Variants in SLC4A10 observed in about 807,000 individuals in gnomAD.
The protein encoded by SLC4A10 is sodium-driven chloride bicarbonate exchanger.
A neutral mutation model predicts 137.7 loss-of-function variants in SLC4A10; 42 were observed. That is an observed-to-expected ratio of 0.30 (90% CI 0.24 to 0.39). SLC4A10 has a LOEUF of 0.39. Among genes scored for constraint, SLC4A10 ranks in the 10% least tolerant of loss-of-function variants. SLC4A10 has a pLI of 1.00. For synonymous variants in SLC4A10, 474 were observed against 464.1 expected (o/e 1.02, Z -0.27); for missense variants, 925 against 1,355.0 (o/e 0.68, Z 4.98).
At chr2:161,699,890 C>T (rs1291658417) in intron 1 of SLC4A10, among the ~76,000 whole-genome samples, 1 of 152,096 alleles carries the variant, frequency 6.6e-6, no homozygotes, top group African/African-American at 2.4e-5. Context: ...ATGAATTAAG[C>T]ACTTTATAAT....
chr2:161,685,538 G>A (rs1214014141), intron 1 of SLC4A10, among the ~76,000 whole-genome samples: 5 of 152,038 alleles, frequency 3.3e-5, no homozygotes, highest in African/African-American at 1.2e-4. Flanking sequence ...AACCCAAGAG[G>A]TGGAGGTTGT....
At chr2:161,818,168 T>G (rs1363854787) in intron 3 of SLC4A10, among the ~76,000 whole-genome samples, 1 of 152,204 alleles carries the variant, frequency 6.6e-6, no homozygotes, top group African/African-American at 2.4e-5. Flanking sequence ...AGCAGTGGTT[T>G]GTAGTTCTCC....
chr2:161,845,498 G>C (rs1444773564), intron 4 of SLC4A10, among the ~76,000 whole-genome samples: 1 of 151,948 alleles, frequency 6.6e-6, no homozygotes, highest in East Asian at 1.9e-4. Context: ...CTAACAAACT[G>C]TTTGGAACTC....
chr2:161,631,301 C>A (rs559469571), intron 1 of SLC4A10, among the ~76,000 whole-genome samples: 1 of 151,632 alleles, frequency 6.6e-6, no homozygotes, highest in African/African-American at 2.4e-5. Context: ...GTTATGTAAA[C>A]GTTATTTCAA....
chr2:161,947,753 A>T (rs372946409), intron 17 of SLC4A10, 26 bp downstream of exon 17: 1 of 1,601,416 alleles, frequency 6.2e-7, no homozygotes, highest in Admixed American at 1.7e-5. Flanking sequence ...CTTGATCTAA[A>T]TGTAAAATAA....
intron 1 of SLC4A10, among the ~76,000 whole-genome samples, chr2:161,639,987 C>CAAGAAAATAATTTCT (rs2035046194): frequency 2.0e-5 from 3 of 152,102 alleles, no homozygotes; most frequent in Non-Finnish European, 4.4e-5. Flanking sequence ...AGGAAACTAT[C>CAAGAAAATAATTTCT]TGAAAAATAA....
intron 15 of SLC4A10, among the ~76,000 whole-genome samples, chr2:161,911,976 GC>G (rs1181696468): frequency 6.6e-6 from 1 of 152,042 alleles, no homozygotes; most frequent in Non-Finnish European, 1.5e-5. Context: ...TTCTGTTCCT[GC>G]TTTTAAAGTA....
intron 15 of SLC4A10, among the ~76,000 whole-genome samples, chr2:161,939,094 T>C (rs1037896623): frequency 1.3e-5 from 2 of 152,174 alleles, no homozygotes; most frequent in East Asian, 3.8e-4. Flanking sequence ...TTTTATTTTA[T>C]TGAGACCAGT....
chr2:161,671,834 C>T (rs1322053502), intron 1 of SLC4A10, among the ~76,000 whole-genome samples: 1 of 152,122 alleles, frequency 6.6e-6, no homozygotes, highest in Non-Finnish European at 1.5e-5. Flanking sequence ...AAAATTATCT[C>T]TGATATCAAG....
intron 1 of SLC4A10, among the ~76,000 whole-genome samples, chr2:161,759,337 G>C (rs999166328): frequency 8.6e-5 from 13 of 151,790 alleles, no homozygotes; most frequent in Non-Finnish European, 1.8e-4. Context: ...TGTGTGGTGC[G>C]AACACTTAAG....
At chr2:161,928,668 A>AAG (rs1013639772) in intron 15 of SLC4A10, among the ~76,000 whole-genome samples, 1 of 148,472 alleles carries the variant, frequency 6.7e-6, no homozygotes, top group Non-Finnish European at 1.5e-5. Context: ...AAAAAAAAAA[A>AAG]GTAGGAGTTT....
intron 1 of SLC4A10, chr2:161,710,847 G>T: frequency 3.5e-6 from 1 of 288,204 alleles, no homozygotes; most frequent in Non-Finnish European, 7.1e-6. Flanking sequence ...TTGGTGTTAT[G>T]AGGAATGCAG....
chr2:161,767,001 T>A (rs1469420243), intron 1 of SLC4A10, among the ~76,000 whole-genome samples: 1 of 148,734 alleles, frequency 6.7e-6, no homozygotes, highest in Non-Finnish European at 1.5e-5. Flanking sequence ...CCTCCTTTGT[T>A]GAAATGTATC....
intron 1 of SLC4A10, among the ~76,000 whole-genome samples, chr2:161,722,208 G>A (rs992529974): frequency 1.3e-5 from 2 of 152,110 alleles, no homozygotes; most frequent in Admixed American, 6.5e-5. Flanking sequence ...CCCTCAGCCC[G>A]GTTCTATGCT....
At chr2:161,940,664 A>G (rs776023858) in intron 15 of SLC4A10, among the ~76,000 whole-genome samples, 5 of 152,202 alleles carry the variant, frequency 3.3e-5, no homozygotes, top group Non-Finnish European at 5.9e-5. Context: ...CTCAAAAATA[A>G]TGTAAGTTCT....
intron 4 of SLC4A10, among the ~76,000 whole-genome samples, chr2:161,849,427 C>T (rs566444261): frequency 5.3e-5 from 8 of 152,110 alleles, no homozygotes; most frequent in African/African-American, 1.9e-4. Flanking sequence ...TTAGGACTTC[C>T]AGGACTTATG....
intron 4 of SLC4A10, among the ~76,000 whole-genome samples, chr2:161,848,635 G>A (rs2059637431): frequency 6.6e-6 from 1 of 152,026 alleles, no homozygotes; most frequent in Non-Finnish European, 1.5e-5. Flanking sequence ...TATTGAGTAG[G>A]GAGTCCTTTC....
chr2:161,807,926 A>T (rs1296033760), intron 3 of SLC4A10, among the ~76,000 whole-genome samples: 1 of 152,144 alleles, frequency 6.6e-6, no homozygotes, highest in South Asian at 2.1e-4. Flanking sequence ...ATTTTAACTC[A>T]GCACTTTGAA....
chr2:161,826,901 C>A (rs1264724598), intron 3 of SLC4A10, among the ~76,000 whole-genome samples: 1 of 152,190 alleles, frequency 6.6e-6, no homozygotes, highest in Non-Finnish European at 1.5e-5. Context: ...GACCACCCTA[C>A]AACATCCAAC....
Sources: allele counts gnomAD v4.1 joint callset (sites outside exome capture counted in the v4.1 genomes callset), GRCh38; gene constraint gnomAD v4.1.1; transcripts MANE v1.5; gene names NCBI Gene and HGNC (gene_info 2026-07-23, HGNC 2026-07-21).